Variants in RASSF5 observed in about 807,000 individuals in gnomAD.
RASSF5 encodes ras association domain-containing protein 5.
RASSF5 carries 25 observed loss-of-function variants against 40.5 expected under a neutral mutation model. The observed-to-expected ratio is 0.62, with a 90% CI of 0.45 to 0.86. RASSF5 has a LOEUF of 0.86. Ranked by LOEUF, RASSF5 falls within the 40% of genes least tolerant of loss-of-function variation. The pLI is 0.00. For synonymous variants in RASSF5, 246 were observed against 252.4 expected, an observed-to-expected ratio of 0.97 and a Z score of 0.24; for missense variants, 521 against 572.8, an observed-to-expected ratio of 0.91 and a Z score of 0.92.
intron 5 of RASSF5, 190 bp downstream of exon 5, chr1:206,585,485 G>C: frequency 1.9e-6 from 1 of 531,834 alleles, no homozygotes; most frequent in Non-Finnish European, 3.4e-6. Context: ...TGAACACCCT[G>C]GGGTAGCACA....
At chr1:206,585,513 C>T (rs1553407468) in intron 5 of RASSF5, 1 of 415,006 alleles carries the variant, frequency 2.4e-6, no homozygotes, top group Non-Finnish European at 4.4e-6. Flanking sequence ...CTGTGTGTGG[C>T]AAGGCCTGTG....
chr1:206,561,692 T>C (rs1255185306), intron 2 of RASSF5, among the ~76,000 whole-genome samples: 1 of 143,078 alleles, frequency 7.0e-6, no homozygotes, highest in African/African-American at 2.7e-5. Flanking sequence ...TGAGATGGAG[T>C]TTTGCTCTTG....
intron 2 of RASSF5, among the ~76,000 whole-genome samples, chr1:206,547,761 AC>A (rs1667735315): frequency 6.6e-6 from 1 of 152,158 alleles, no homozygotes; most frequent in African/African-American, 2.4e-5. Context: ...TAAGCCCCTT[AC>A]AATATTGTTA....
chr1:206,557,541 C>A, intron 2 of RASSF5: 1 of 1,611,980 alleles, frequency 6.2e-7, no homozygotes, highest in Non-Finnish European at 8.5e-7. Flanking sequence ...CCCCTTGATG[C>A]GCTGGCGGCC....
intron 1 of RASSF5, among the ~76,000 whole-genome samples, chr1:206,532,423 A>G (rs547432994): frequency 6.6e-6 from 1 of 152,342 alleles, no homozygotes; most frequent in South Asian, 2.1e-4. Flanking sequence ...ACCCAGGGTC[A>G]CAGAGCTAAT....
intron 1 of RASSF5, among the ~76,000 whole-genome samples, chr1:206,526,605 C>G (rs1300740217): frequency 1.3e-5 from 2 of 152,100 alleles, no homozygotes; most frequent in Admixed American, 6.6e-5. Flanking sequence ...TGCAGACCTC[C>G]AGGCTTGACT....
At chr1:206,527,097 T>C (rs1398510195) in intron 1 of RASSF5, among the ~76,000 whole-genome samples, 2 of 152,196 alleles carry the variant, frequency 1.3e-5, no homozygotes, top group Non-Finnish European at 2.9e-5. Flanking sequence ...GCTCAAACCC[T>C]GATTCATGTG....
chr1:206,515,416 A>T (rs1354129350), intron 1 of RASSF5, among the ~76,000 whole-genome samples: 2 of 152,194 alleles, frequency 1.3e-5, no homozygotes, highest in African/African-American at 4.8e-5. Flanking sequence ...GTAGGTGTTC[A>T]GGGTGTGTAG....
Position 206,538,278 on chromosome 1 carries a change from C to G in RASSF5, c.564C>G (p.Thr188=). Residue 188 remains threonine, a synonymous_variant, in exon 2 of 6, where the codon ACC becomes ACG. Transcript: ENST00000579436. ...GACCCTCTCCAGAAAGCACCCTCAC[C>G]GTGACCTTCAGCCAGGTAGGTGCCA... ...RDRPSPESTL[T]VTFSQNVCKP... is the part of the protein sequence containing the mutation. The G allele has an allele frequency of 6.2e-7, 1 of 1,613,886 alleles. No homozygotes were observed. The highest frequency in any genetic ancestry group is 8.5e-7 in the Non-Finnish European group (1 of 1,180,026).
In RASSF5 at chr1:206,587,171, T is replaced by C. The variant is rs1346791746; in HGVS notation, c.*193T>C. On this transcript the variant is annotated 3_prime_UTR_variant, in exon 6 of 6. Transcript: ENST00000579436. The stretch of plus-strand genomic sequence containing the variant: ...GGTTCAGCTGTGCCCGCCCCCAGGC[T>C]GTGCCCCACCACAGATTCTGCCAAG... 1.6e-6 allele frequency: 1 copy of C among 619,002 alleles called. No homozygotes were observed. 38.3% of individuals were successfully genotyped at this position (619,002 alleles called of 1,614,324 possible).
At chr1:206,508,394 C>T (rs1431921266) in intron 1 of RASSF5, among the ~76,000 whole-genome samples, 3 of 151,618 alleles carry the variant, frequency 2.0e-5, no homozygotes, top group African/African-American at 7.3e-5. Context: ...GTGATGGCCT[C>T]GGCGGCCTCT....
At position 206,535,071 on chromosome 1, in the gene RASSF5, C is replaced by T. The variant is rs1667343454; in HGVS notation, c.458-3101C>T. ...AATGGTGAAACCCTTTTTTAATTAG[C>T]CAGGTGCAGTGGTGGGCGCCTGCAG... On this transcript the variant is annotated intron_variant, in intron 1 of 5. Transcript: ENST00000579436. This position sits in a 1 kb window ranked among gnomAD's most constrained non-coding sequence, Gnocchi z 5.0. Among the ~76,000 whole-genome samples, 1 of 152,088 alleles carries T rather than the reference C, an allele frequency of 6.6e-6. No homozygotes were observed. The highest frequency in any genetic ancestry group is 1.5e-5 in the Non-Finnish European group (1 of 68,024).
At chr1:206,518,232 G>A (rs1666810268) in intron 1 of RASSF5, among the ~76,000 whole-genome samples, 1 of 152,054 alleles carries the variant, frequency 6.6e-6, no homozygotes, top group Non-Finnish European at 1.5e-5. Context: ...TGCGGAGACA[G>A]AAGGCATCGT....
chr1:206,572,673 T>C lies in RASSF5; in HGVS notation c.580-10596T>C, dbSNP rs143377541. ...ATCGTGCCACAGGCACACACGACTT[T>C]AGAGGTCCACAAAAACGTTTTAATT... is the stretch of plus-strand genomic sequence containing the variant. On this transcript the variant is annotated intron_variant, in intron 2 of 5. Coordinates refer to ENST00000579436, the MANE Select transcript of RASSF5 (RefSeq NM_182663.4). 1.7e-3 allele frequency: 261 copies of C among 152,350 alleles called. 1 individual carries two copies. Among genetic ancestry groups the C allele is most frequent in the African/African-American group, 5.9e-3 (247 of 41,582 alleles). 9.4% of individuals were successfully genotyped at this position (152,350 alleles called of 1,614,324 possible). A position where few individuals can be genotyped will look rare whatever the true frequency, so the allele number is the denominator to read the frequency against.
intron 1 of RASSF5, among the ~76,000 whole-genome samples, chr1:206,517,271 C>T (rs1035507040): frequency 7.2e-5 from 11 of 152,134 alleles, no homozygotes; most frequent in South Asian, 2.1e-4. Flanking sequence ...CCCAGGAGTT[C>T]GAGACCAGCC....
At chr1:206,541,814 C>G (rs1047950575) in intron 2 of RASSF5, 11 of 152,132 alleles carry the variant, frequency 7.2e-5, no homozygotes, top group African/African-American at 2.7e-4. Context: ...ATCCTGTCAC[C>G]CCTGGGAGGA....
At position 206,546,089 on chromosome 1, in the gene RASSF5, ATTTTTTTTTT is replaced by A. The variant is rs10603701; in HGVS notation, c.579+7824_579+7833del. Among the ~76,000 whole-genome samples, 136 of 48,220 alleles carry A rather than the reference ATTTTTTTTTT, an allele frequency of 2.8e-3. 3 individuals carry two copies. The highest frequency in any genetic ancestry group is 0.017 in the East Asian group (26 of 1,518). 31.6% of individuals were successfully genotyped at this position (48,220 alleles called of 152,430 possible). A position where few individuals can be genotyped will look rare whatever the true frequency, so the allele number is the denominator to read the frequency against. ...TTTTTCTTTTCTTTCTTCTTTTTCT[ATTTTTTTTTT>A]TTTTTTTTTTTTTTTTTTTTTTTTT... is the stretch of plus-strand genomic sequence containing the variant. On this transcript the variant is annotated intron_variant, in intron 2 of 5. Transcript: ENST00000579436.
rs6660116 is a variant in RASSF5, at chr1:206,575,854, C to T, written c.580-7415C>T. Among the ~76,000 whole-genome samples the T allele has an allele frequency of 8.5e-5, 13 of 152,144 alleles. 1 individual carries two copies. In the South Asian group the frequency reaches 1.7e-3, roughly 19 times the overall value. Reference sequence around the variant, plus strand: ...GCTAGCTGCCAAGAGCTGAGCCACACGGCTAACGCCAAAGTCCAAAGCCTG... The same window carrying T: ...GCTAGCTGCCAAGAGCTGAGCCACATGGCTAACGCCAAAGTCCAAAGCCTG... On this transcript the variant is annotated intron_variant, in intron 2 of 5. Transcript: ENST00000579436.
chr1:206,566,995 A>G (rs1668306882), intron 2 of RASSF5, among the ~76,000 whole-genome samples: 2 of 152,228 alleles, frequency 1.3e-5, no homozygotes, highest in East Asian at 1.9e-4. Context: ...TGATCTCAGG[A>G]CTATTTTAAA....
Sources: allele counts gnomAD v4.1 joint callset (sites outside exome capture counted in the v4.1 genomes callset), GRCh38; gene constraint gnomAD v4.1.1; non-coding constraint Gnocchi (gnomAD v3.1); transcripts MANE v1.5; gene names NCBI Gene and HGNC (gene_info 2026-07-23, HGNC 2026-07-21).